Variants in REPS1 observed in about 807,000 individuals in gnomAD.
REPS1 encodes the protein RALBP1 associated Eps domain containing 1, also known as ralBP1-associated Eps domain-containing protein 1.
Under a neutral mutation model 100.9 loss-of-function variants are expected in REPS1, and 39 were observed. That is an observed-to-expected ratio of 0.39 (90% confidence interval 0.30 to 0.50). The LOEUF is 0.50. Among genes scored for constraint, REPS1 ranks in the 20% least tolerant of loss-of-function variants. REPS1 has a pLI of 0.86. For synonymous variants in REPS1, 324 were observed against 340.3 expected (o/e 0.95, Z 0.53); for missense variants, 821 against 968.5 (o/e 0.85, Z 2.02).
intron 1 of REPS1, among the ~76,000 whole-genome samples, chr6:138,969,859 A>AGTTTTTT (rs1784235215): frequency 1.1e-5 from 1 of 94,636 alleles, no homozygotes; most frequent in Admixed American, 1.3e-4. Context: ...GTGAATTGGG[A>AGTTTTTT]TTTTTTTTTT....
intron 8 of REPS1, among the ~76,000 whole-genome samples, chr6:138,938,850 ATT>A (rs34695956): frequency 1.5e-3 from 216 of 145,412 alleles, no homozygotes; most frequent in Admixed American, 2.0e-3. Flanking sequence ...TATTTTTATA[ATT>A]TTTTTTTTTT....
intron 10 of REPS1, among the ~76,000 whole-genome samples, chr6:138,925,885 T>C (rs6908739): frequency 0.15 from 22,576 of 152,216 alleles, 1,769 homozygotes; most frequent in African/African-American, 0.17. Context: ...AGAGGCTCCT[T>C]TGCATAAGCG....
chr6:138,955,457 A>T lies in REPS1; in HGVS notation c.154-7544T>A, dbSNP rs1193623531. ...TGTCTCTTTAAAAAAAAAAAAAAAA[A>T]GTGTGTGTGTGTGTGTGTGTGTGTG... On this transcript the variant is annotated intron_variant, in intron 1 of 19. Coordinates refer to ENST00000450536, the MANE Select transcript of REPS1 (RefSeq NM_001286611.2). 2.1e-3 allele frequency among the ~76,000 whole-genome samples: 190 copies of T among 90,738 alleles called. 1 individual carries two copies. The highest frequency in any genetic ancestry group is 8.2e-3 in the African/African-American group (160 of 19,434). 59.5% of individuals were successfully genotyped at this position (90,738 alleles called of 152,430 possible). A position where few individuals can be genotyped will look rare whatever the true frequency, so the allele number is the denominator to read the frequency against.
chr6:138,913,093 C>G (rs17068057), intron 15 of REPS1, 143 bp from the exon 16 acceptor site: 6,460 of 567,610 alleles, frequency 0.011, 149 homozygotes, highest in African/African-American at 0.064. Flanking sequence ...ATTATAGTAA[C>G]ATTTAGCTCT....
chr6:138,944,342 G>A (rs1782470385), intron 5 of REPS1, among the ~76,000 whole-genome samples, 156 bp downstream of exon 5: 1 of 151,912 alleles, frequency 6.6e-6, no homozygotes, highest in Non-Finnish European at 1.5e-5. Flanking sequence ...ACATTCCAAT[G>A]ATAACAGATT....
intron 1 of REPS1, among the ~76,000 whole-genome samples, chr6:138,959,414 A>G (rs1220241873): frequency 6.6e-6 from 1 of 152,216 alleles, no homozygotes; most frequent in Admixed American, 6.5e-5. Flanking sequence ...TTGGAACTAT[A>G]CACAATACTG....
At chr6:138,972,671 C>A in intron 1 of REPS1, among the ~76,000 whole-genome samples, 1 of 136,128 alleles carries the variant, frequency 7.3e-6, no homozygotes. Flanking sequence ...CTAAAGTGAC[C>A]CACAATACCA....
At chr6:138,969,664 T>C (rs558539753) in intron 1 of REPS1, among the ~76,000 whole-genome samples, 60 of 152,042 alleles carry the variant, frequency 3.9e-4, no homozygotes, top group African/African-American at 1.4e-3. Context: ...TGAATTTGAA[T>C]CCCAGCTCAT....
chr6:138,978,165 T>C (rs1204356581), intron 1 of REPS1, among the ~76,000 whole-genome samples: 1 of 152,104 alleles, frequency 6.6e-6, no homozygotes. Context: ...ACCTTTACCA[T>C]GTTTATAATA....
In REPS1 at chr6:138,943,504, C is replaced by G. The variant is rs750787299; in HGVS notation, c.980+9G>C. ...CCCAGTTACCCAACTAATGATATAC[C>G]ACACTTACCAAATATGAGAAAGTTC... On this transcript the variant is annotated intron_variant, in intron 7 of 19. Transcript: ENST00000450536. 33 of 1,549,890 alleles carry G rather than the reference C, an allele frequency of 2.1e-5. No homozygotes were observed. The highest frequency in any genetic ancestry group is 2.8e-5 in the Non-Finnish European group (32 of 1,124,564).
At chr6:138,982,908 A>G (rs1423563892) in intron 1 of REPS1, among the ~76,000 whole-genome samples, 3 of 152,204 alleles carry the variant, frequency 2.0e-5, no homozygotes, top group South Asian at 2.1e-4. Context: ...CTTTCTCTGA[A>G]GTGGCTGTGT....
intron 19 of REPS1, among the ~76,000 whole-genome samples, chr6:138,906,819 A>T (rs528360205): frequency 6.6e-6 from 1 of 152,328 alleles, no homozygotes; most frequent in East Asian, 1.9e-4. Flanking sequence ...AACATGACCC[A>T]AGATTACCTG....
intron 1 of REPS1, among the ~76,000 whole-genome samples, chr6:138,979,379 T>C (rs77226923): frequency 0.024 from 3,726 of 152,184 alleles, 139 homozygotes; most frequent in African/African-American, 0.085. Context: ...ATTTCCTTTA[T>C]ATCCTCATAC....
intron 12 of REPS1, among the ~76,000 whole-genome samples, chr6:138,919,534 C>T (rs1456051539): frequency 6.6e-6 from 1 of 152,204 alleles, no homozygotes; most frequent in Non-Finnish European, 1.5e-5. Flanking sequence ...CTTTCCCTGC[C>T]AAATTTGCTA....
intron 1 of REPS1, among the ~76,000 whole-genome samples, chr6:138,958,614 C>T (rs1227691179): frequency 6.6e-6 from 1 of 152,094 alleles, no homozygotes; most frequent in African/African-American, 2.4e-5. Context: ...TTTGACAATG[C>T]AAATTTTGTA....
At chr6:138,967,194 C>A (rs150586788) in intron 1 of REPS1, among the ~76,000 whole-genome samples, 1 of 152,192 alleles carries the variant, frequency 6.6e-6, no homozygotes, top group Non-Finnish European at 1.5e-5. Flanking sequence ...ATGAGCTCCT[C>A]GACCATGGAC....
Position 138,926,213 on chromosome 6 carries a change from A to G in REPS1, c.1338+188T>C, listed in dbSNP as rs377176538. Among the ~76,000 whole-genome samples the G allele has an allele frequency of 3.3e-5, 5 of 152,328 alleles. 1 individual carries two copies. Among genetic ancestry groups the G allele is most frequent in the Admixed American group, 6.5e-5 (1 of 15,298 alleles). ...TTAAAAACGTAGTTTTCTCTCAACA[A>G]AATAACTAGAAAAAAGGAATGGCAA... On this transcript the variant is annotated intron_variant, in intron 10 of 19. Coordinates refer to ENST00000450536, the MANE Select transcript of REPS1 (RefSeq NM_001286611.2).
chr6:138,968,614 C>T (rs1215368783), intron 1 of REPS1, among the ~76,000 whole-genome samples: 1 of 152,080 alleles, frequency 6.6e-6, no homozygotes, highest in Non-Finnish European at 1.5e-5. Flanking sequence ...AGTATTTTTT[C>T]TTTAAATGAG....
intron 8 of REPS1, among the ~76,000 whole-genome samples, chr6:138,931,899 C>T (rs1274986025): frequency 6.6e-6 from 1 of 152,028 alleles, no homozygotes. Flanking sequence ...AAGGGATTCC[C>T]CAAAGCAGGT....
Sources: gnomAD v4.1 joint callset for allele counts (sites outside exome capture counted in the v4.1 genomes callset) on GRCh38, gnomAD v4.1.1 for gene constraint, MANE v1.5 for transcripts, NCBI Gene and HGNC (gene_info 2026-07-23, HGNC 2026-07-21) for gene names.